CELF2: variants seen among roughly 807,000 people sequenced by gnomAD.
CELF2 encodes the protein CUGBP Elav-like family member 2.
CELF2 carries 8 observed loss-of-function variants against 62.6 expected under a neutral mutation model. The observed-to-expected ratio is 0.13, with a 90% CI of 0.07 to 0.23. The LOEUF (loss-of-function observed/expected upper bound fraction) is 0.23, where lower values mean the gene tolerates loss of function less well. Among genes scored for constraint, CELF2 ranks in the 10% least tolerant of loss-of-function variants. The probability of loss-of-function intolerance (pLI) is 1.00; values close to 1 mark genes in which losing one functional copy is unlikely to be tolerated. For synonymous variants in CELF2, 258 were observed against 250.0 expected (o/e 1.03, Z -0.30); for missense variants, 333 against 671.0 (o/e 0.50, Z 5.56).
At chr10:10,697,316 C>A in the CELF2 span, among the ~76,000 whole-genome samples, 4 of 152,086 alleles carry the variant, frequency 2.6e-5, no homozygotes, top group Non-Finnish European at 4.4e-5. Flanking sequence ...TGATACATTA[C>A]CAAAGCAGCT....
rs930102913 is a variant in CELF2, at chr10:11,306,009, C to T, written c.977-8130C>T. ...CCATGGCCATCCTTGCCTGCTCAAC[C>T]ATTCTCTTTCCTGGCACGCCAGCTG... On this transcript the variant is annotated intron_variant, in intron 9 of 12. Transcript: ENST00000633077. The surrounding 1 kb of genome is among the most constrained non-coding windows in gnomAD (Gnocchi z 4.4). Among the ~76,000 whole-genome samples, 4 of 150,022 alleles carry T rather than the reference C, an allele frequency of 2.7e-5. No homozygotes were observed. The highest frequency in any genetic ancestry group is 2.1e-4 in the South Asian group (1 of 4,830).
chr10:11,232,938 G>C (rs1274469486), intron 3 of CELF2, among the ~76,000 whole-genome samples: 4 of 152,134 alleles, frequency 2.6e-5, no homozygotes, highest in Non-Finnish European at 5.9e-5. Context: ...CATTTGGTTA[G>C]CAGACACTAT....
rs1384852030 is a variant in CELF2 at position 11,039,679 on chromosome 10, C to A, written c.74+21516C>A. ...AATGGAAGATAGGTTAAGTGTACTT[C>A]ATAATTTTGATCATTGAACCAGGAA... On this transcript the variant is annotated intron_variant, in intron 1 of 12. Coordinates refer to ENST00000633077, the MANE Select transcript of CELF2 (RefSeq NM_001326342.2). The surrounding 1 kb of genome is among the most constrained non-coding windows in gnomAD (Gnocchi z 4.1). 6.6e-6 allele frequency among the ~76,000 whole-genome samples: 1 copy of A among 152,194 alleles called. No individual in the cohort carries two copies. Among genetic ancestry groups the A allele is most frequent in the Non-Finnish European group, 1.5e-5 (1 of 68,034 alleles).
intron 1 of CELF2, among the ~76,000 whole-genome samples, chr10:11,133,533 A>G (rs866681731): frequency 1.3e-5 from 2 of 152,216 alleles, no homozygotes; most frequent in Non-Finnish European, 2.9e-5. Flanking sequence ...ATACGTATAC[A>G]AGATAGGGAA....
At chr10:10,620,351 G>C in the CELF2 span, among the ~76,000 whole-genome samples, 16 of 150,490 alleles carry the variant, frequency 1.1e-4, no homozygotes, top group South Asian at 2.1e-4. Context: ...GCTGAGGCAG[G>C]AGAATCGCTT....
chr10:10,792,633 A>G, the CELF2 span: 1 of 390,538 alleles, frequency 2.6e-6, no homozygotes, highest in South Asian at 1.4e-4. Context: ...TCCCTGGTCT[A>G]TGATATGGAG....
the CELF2 span, among the ~76,000 whole-genome samples, chr10:10,641,489 G>T: frequency 1.3e-5 from 2 of 152,032 alleles, no homozygotes; most frequent in African/African-American, 4.8e-5. Context: ...TGTCCAGGCT[G>T]GAGTGCAATG....
chr10:11,310,888 A>G (rs756763467), intron 9 of CELF2, among the ~76,000 whole-genome samples: 2 of 152,144 alleles, frequency 1.3e-5, no homozygotes, highest in African/African-American at 4.8e-5. Flanking sequence ...CTCAATTAGC[A>G]AAGAATACTC....
At chr10:10,817,430 T>G (rs925647412) in intron 1 of CELF2, among the ~76,000 whole-genome samples, 1 of 152,196 alleles carries the variant, frequency 6.6e-6, no homozygotes. Context: ...TTTCTGACTA[T>G]TTTTTGGTAA....
chr10:10,773,796 T>C, the CELF2 span, among the ~76,000 whole-genome samples: 723 of 152,314 alleles, frequency 4.7e-3, 6 homozygotes, highest in Middle Eastern at 0.054. Flanking sequence ...CTCTGACTGT[T>C]CTCCCTCCTC....
chr10:11,299,403 A>G (rs1264136679), intron 9 of CELF2, among the ~76,000 whole-genome samples: 1 of 152,132 alleles, frequency 6.6e-6, no homozygotes, highest in Non-Finnish European at 1.5e-5. Context: ...CATGTTGCCC[A>G]GAGGAAAATC....
chr10:10,721,525 T>A, the CELF2 span, among the ~76,000 whole-genome samples: 2 of 152,254 alleles, frequency 1.3e-5, no homozygotes, highest in Non-Finnish European at 2.9e-5. Flanking sequence ...TAATGCTTCC[T>A]CTCCTCATCA....
chr10:10,571,579 T>C, the CELF2 span, among the ~76,000 whole-genome samples: 1 of 152,098 alleles, frequency 6.6e-6, no homozygotes, highest in African/African-American at 2.4e-5. Context: ...CCATGGGTTG[T>C]AAATTGAGTT....
At chr10:11,271,293 C>A (rs55836934) in intron 7 of CELF2, among the ~76,000 whole-genome samples, 3,163 of 152,344 alleles carry the variant, frequency 0.021, 70 homozygotes, top group Middle Eastern at 0.058. Flanking sequence ...AAATTCTATT[C>A]TATTTCAAGC....
At chr10:10,522,625 A>G in the CELF2 span, among the ~76,000 whole-genome samples, 2 of 152,176 alleles carry the variant, frequency 1.3e-5, no homozygotes, top group African/African-American at 4.8e-5. Flanking sequence ...GCTGGAATGC[A>G]ATGGCGCAAT....
chr10:10,482,789 C>G, the CELF2 span, among the ~76,000 whole-genome samples: 1 of 152,150 alleles, frequency 6.6e-6, no homozygotes, highest in Non-Finnish European at 1.5e-5. Context: ...CCAGCCACCC[C>G]CTTCATCTAA....
intron 11 of CELF2, among the ~76,000 whole-genome samples, chr10:11,323,821 GACAC>G (rs947406530): frequency 2.0e-5 from 3 of 152,162 alleles, no homozygotes; most frequent in African/African-American, 7.2e-5. Context: ...GAAGAGAGAT[GACAC>G]ACAGGTAGAA....
chr10:11,079,981 T>C (rs2480798), intron 1 of CELF2, among the ~76,000 whole-genome samples: 150,677 of 152,318 alleles, frequency 0.99, 74,535 homozygotes, highest in Middle Eastern at 1. Flanking sequence ...AAAAATGAAA[T>C]GGAACCATCC....
intron 1 of CELF2, among the ~76,000 whole-genome samples, chr10:10,912,765 A>G (rs977791692): frequency 1.3e-5 from 2 of 152,200 alleles, no homozygotes; most frequent in African/African-American, 4.8e-5. Flanking sequence ...TGGCTTACGC[A>G]TACTCCCCTG....
Sources: allele counts gnomAD v4.1 joint callset (sites outside exome capture counted in the v4.1 genomes callset), GRCh38; gene constraint gnomAD v4.1.1; non-coding constraint Gnocchi (gnomAD v3.1); transcripts MANE v1.5; gene names NCBI Gene and HGNC (gene_info 2026-07-23, HGNC 2026-07-21).